Variants in SH2D4B observed in about 807,000 individuals in gnomAD.
SH2D4B encodes the protein SH2 domain-containing protein 4B.
A neutral mutation model predicts 61.5 loss-of-function variants in SH2D4B; 45 were observed. The ratio of observed to expected loss-of-function variants is 0.73; its 90% CI spans 0.58 to 0.94. The LOEUF is 0.94. Among genes scored for constraint, SH2D4B ranks in the 40% least tolerant of loss-of-function variants. The pLI is 0.00. For synonymous variants in SH2D4B, 224 were observed against 220.4 expected (o/e 1.02, Z -0.14); for missense variants, 572 against 574.2 (o/e 1.00, Z 0.04).
At chr10:80,592,736 T>C (rs1481200947) in intron 4 of SH2D4B, among the ~76,000 whole-genome samples, 1 of 144,830 alleles carries the variant, frequency 6.9e-6, no homozygotes, top group Admixed American at 7.1e-5. Flanking sequence ...TTTTTTGAGA[T>C]GGAGTCTCAC....
intron 3 of SH2D4B, among the ~76,000 whole-genome samples, chr10:80,576,197 T>C (rs1272796565): frequency 2.6e-5 from 4 of 152,098 alleles, no homozygotes; most frequent in African/African-American, 4.8e-5. Flanking sequence ...GGGTGAGAAA[T>C]TGTGGGATGT....
intron 6 of SH2D4B, among the ~76,000 whole-genome samples, chr10:80,615,196 A>G (rs1842647238): frequency 6.6e-6 from 1 of 152,208 alleles, no homozygotes; most frequent in African/African-American, 2.4e-5. Flanking sequence ...CTCGGGCTTG[A>G]TGCTGCCATG....
At chr10:80,636,324 C>G (rs12266667) in intron 7 of SH2D4B, among the ~76,000 whole-genome samples, 1 of 152,010 alleles carries the variant, frequency 6.6e-6, no homozygotes, top group Non-Finnish European at 1.5e-5. Flanking sequence ...GTAATGGGAT[C>G]GCTGGGTCAA....
Position 80,538,331 on chromosome 10 carries a change from C to T in SH2D4B, c.-1C>T. Reference sequence around the variant, plus strand: ...CTGGTGCGTGCATCCCAGGTGGCATCATGCTGCAGCAGATCCTGCACGACA... The same window carrying T: ...CTGGTGCGTGCATCCCAGGTGGCATTATGCTGCAGCAGATCCTGCACGACA... On this transcript the variant is annotated 5_prime_UTR_variant, in exon 1 of 8. Transcript: ENST00000646907. The surrounding 1 kb of genome is among the most constrained non-coding windows in gnomAD (Gnocchi z 4.8). 1 of 1,336,450 alleles carries T rather than the reference C, an allele frequency of 7.5e-7. No individual in the cohort carries two copies. The highest frequency in any genetic ancestry group is 9.7e-7 in the Non-Finnish European group (1 of 1,035,628). 82.8% of individuals were successfully genotyped at this position (1,336,450 alleles called of 1,614,324 possible).
At chr10:80,622,012 C>A (rs111984763) in intron 6 of SH2D4B, among the ~76,000 whole-genome samples, 1 of 152,130 alleles carries the variant, frequency 6.6e-6, no homozygotes, top group Admixed American at 6.5e-5. Flanking sequence ...TGAGCCACCA[C>A]GCCCAGCTGA....
intron 1 of SH2D4B, among the ~76,000 whole-genome samples, chr10:80,540,474 C>T (rs951085158): frequency 3.9e-5 from 6 of 152,030 alleles, no homozygotes; most frequent in African/African-American, 1.4e-4. Flanking sequence ...CGTGTCCCTG[C>T]GGGGTGGCAG....
intron 4 of SH2D4B, among the ~76,000 whole-genome samples, chr10:80,597,561 GA>G (rs1842398143): frequency 6.6e-6 from 1 of 152,208 alleles, no homozygotes; most frequent in South Asian, 2.1e-4. Context: ...AGCTACTTGG[GA>G]GGCTGAGGCA....
intron 1 of SH2D4B, among the ~76,000 whole-genome samples, chr10:80,556,128 G>C (rs1841834233): frequency 6.7e-6 from 1 of 150,252 alleles, no homozygotes; most frequent in Admixed American, 6.6e-5. Flanking sequence ...CAAATTAAGA[G>C]TCAAGTTCTT....
At chr10:80,580,188 T>C (rs1297388525) in intron 3 of SH2D4B, among the ~76,000 whole-genome samples, 1 of 152,204 alleles carries the variant, frequency 6.6e-6, no homozygotes, top group Non-Finnish European at 1.5e-5. Context: ...TTATATCTCC[T>C]AAAGGGTTGC....
chr10:80,611,748 G>A (rs1328957774), intron 6 of SH2D4B, among the ~76,000 whole-genome samples: 1 of 152,068 alleles, frequency 6.6e-6, no homozygotes, highest in Non-Finnish European at 1.5e-5. Flanking sequence ...GTGCGACCAA[G>A]GTGCTCAAAT....
intron 6 of SH2D4B, among the ~76,000 whole-genome samples, chr10:80,610,643 C>T (rs578201009): frequency 6.6e-6 from 1 of 152,186 alleles, no homozygotes; most frequent in Non-Finnish European, 1.5e-5. Context: ...ACAGAAATAC[C>T]TCCAAGATGA....
chr10:80,552,716 C>T (rs1841777951), intron 1 of SH2D4B, among the ~76,000 whole-genome samples: 1 of 152,234 alleles, frequency 6.6e-6, no homozygotes, highest in Non-Finnish European at 1.5e-5. Flanking sequence ...AGGTTTTTCT[C>T]ACCTAAGAAT....
intron 1 of SH2D4B, among the ~76,000 whole-genome samples, chr10:80,547,593 G>T (rs772221734): frequency 2.6e-5 from 4 of 152,132 alleles, no homozygotes; most frequent in Non-Finnish European, 5.9e-5. Flanking sequence ...GGAGGTGACT[G>T]ACAGAATCTC....
chr10:80,596,975 A>C (rs1842392136), intron 4 of SH2D4B, among the ~76,000 whole-genome samples: 1 of 101,272 alleles, frequency 9.9e-6, no homozygotes, highest in Non-Finnish European at 1.8e-5. Context: ...TTGGAAAAAA[A>C]CAATAAAAAA....
chr10:80,585,759 G>C (rs539636392), intron 3 of SH2D4B, among the ~76,000 whole-genome samples: 1 of 152,214 alleles, frequency 6.6e-6, no homozygotes, highest in Non-Finnish European at 1.5e-5. Flanking sequence ...TCCTCTGCCT[G>C]GGCTCCCACT....
intron 6 of SH2D4B, among the ~76,000 whole-genome samples, chr10:80,629,232 G>A (rs1247491916): frequency 6.6e-6 from 1 of 152,084 alleles, no homozygotes; most frequent in Non-Finnish European, 1.5e-5. Context: ...CATGGCGAGA[G>A]GGGATGCAAG....
At chr10:80,590,376 T>C (rs1842312434) in intron 4 of SH2D4B, among the ~76,000 whole-genome samples, 1 of 152,170 alleles carries the variant, frequency 6.6e-6, no homozygotes, top group African/African-American at 2.4e-5. Context: ...GGTGCACTTG[T>C]GGGCAAGCCC....
intron 3 of SH2D4B, among the ~76,000 whole-genome samples, chr10:80,573,084 A>G (rs1842082778): frequency 1.6e-5 from 2 of 128,268 alleles, no homozygotes; most frequent in Admixed American, 1.8e-4. Context: ...TCCCGGGTTC[A>G]TGCCATTCCC....
At chr10:80,635,477 T>A (rs1407144967) in intron 7 of SH2D4B, among the ~76,000 whole-genome samples, 1 of 152,236 alleles carries the variant, frequency 6.6e-6, no homozygotes, top group Non-Finnish European at 1.5e-5. Context: ...TTTGTATTGC[T>A]TTCTCTTTGT....
Sources: allele counts gnomAD v4.1 joint callset (sites outside exome capture counted in the v4.1 genomes callset), GRCh38; gene constraint gnomAD v4.1.1; non-coding constraint Gnocchi (gnomAD v3.1); transcripts MANE v1.5; gene names NCBI Gene and HGNC (gene_info 2026-07-23, HGNC 2026-07-21).